APOLD1: variants seen among roughly 807,000 people sequenced by gnomAD.
The protein encoded by APOLD1 is apolipoprotein L domain-containing protein 1.
In APOLD1, 22 loss-of-function variants were observed where a neutral mutation model predicts 15.3. The observed-to-expected ratio is 1.44, with a 90% CI of 1.03 to 2.05. APOLD1 has a LOEUF of 2.05. Ranked by LOEUF, APOLD1 falls within the 30% of genes most tolerant of loss-of-function variation. APOLD1 has a pLI of 0.00. For synonymous variants in APOLD1, 190 were observed against 167.4 expected (o/e 1.13, Z -1.04); for missense variants, 394 against 353.5 (o/e 1.11, Z -0.92).
intron 1 of APOLD1, among the ~76,000 whole-genome samples, chr12:12,730,057 TGTGTGTGTGTGTGTGTGTGTGAGAGA>T (rs1184487700): frequency 2.1e-4 from 22 of 106,604 alleles, no homozygotes; most frequent in South Asian, 9.4e-4. Context: ...TGTGTGTGTG[TGTGTGTGTGTGTGTGTGTGTGAGAGA>T]GAGAGAGAGA....
At chr12:12,731,022 T>C (rs1341008508) in intron 1 of APOLD1, among the ~76,000 whole-genome samples, 7 of 152,038 alleles carry the variant, frequency 4.6e-5, no homozygotes, top group Non-Finnish European at 1.5e-5. Flanking sequence ...GCGCCTGTAG[T>C]CCCAGCTACT....
intron 1 of APOLD1, among the ~76,000 whole-genome samples, chr12:12,740,900 G>A (rs562280940): frequency 7.2e-5 from 11 of 152,182 alleles, no homozygotes; most frequent in Non-Finnish European, 1.0e-4. Flanking sequence ...ACTTTGGGAG[G>A]CTGAGGCAGG....
intron 1 of APOLD1, among the ~76,000 whole-genome samples, chr12:12,758,819 T>A (rs1203173679): frequency 2.0e-5 from 3 of 152,192 alleles, no homozygotes; most frequent in African/African-American, 4.8e-5. Flanking sequence ...CGGCATATGA[T>A]TTCTTTTCTT....
chr12:12,777,923 T>TTTTTTTTTTG (rs1555092183), intron 1 of APOLD1, among the ~76,000 whole-genome samples: 1 of 121,572 alleles, frequency 8.2e-6, no homozygotes, highest in Non-Finnish European at 1.7e-5. Context: ...TTTTTTTTTT[T>TTTTTTTTTTG]TTGTTGTTGT....
chr12:12,763,895 G>A lies in APOLD1; in HGVS notation c.97-23014G>A, dbSNP rs145342131. ...CCCAAATATTTTTGATATGAGATTG[G>A]TAGAATCATGGATGGAAAACCTGAG... On this transcript the variant is annotated intron_variant, in intron 1 of 1. Transcript: ENST00000326765. 2.8e-4 allele frequency among the ~76,000 whole-genome samples: 43 copies of A among 152,094 alleles called. No individual in the cohort carries two copies. The East Asian group carries it at 8.1e-3, about 29-fold the overall frequency.
At chr12:12,753,100 T>A (rs1946824793) in intron 1 of APOLD1, among the ~76,000 whole-genome samples, 1 of 152,068 alleles carries the variant, frequency 6.6e-6, no homozygotes, top group African/African-American at 2.4e-5. Flanking sequence ...GCTAAAAAAA[T>A]AGATGTGACA....
chr12:12,746,356 T>TGTG (rs1946765189), intron 1 of APOLD1, among the ~76,000 whole-genome samples: 1 of 151,866 alleles, frequency 6.6e-6, no homozygotes, highest in South Asian at 2.1e-4. Context: ...ATTAGCTGCG[T>TGTG]GTGGTGGCAG....
rs1444413441 is a variant in APOLD1 at position 12,787,073 on chromosome 12, C to A, written c.168C>A (p.Asn56Lys). The change falls in exon 2 of 2, where the codon AAC becomes AAA. Residue 56 changes from asparagine (N) to lysine (K), a missense_variant. Coordinates refer to ENST00000356591, the MANE Select transcript of APOLD1 (RefSeq NM_030817.3). The surrounding 1 kb of genome is among the most constrained non-coding windows in gnomAD (Gnocchi z 4.9). ...ERLRRRSLVA[N>K]VAGSSLSATG... ...TGCGCAGGCGCTCCCTCGTAGCCAACGTGGCCGGCAGCTCGCTGAGCGCAA... is the reference window on the plus strand; with the variant it reads ...TGCGCAGGCGCTCCCTCGTAGCCAAAGTGGCCGGCAGCTCGCTGAGCGCAA... The A allele has an allele frequency of 2.2e-6, 3 of 1,394,242 alleles. No homozygotes were observed. The highest frequency in any genetic ancestry group is 3.6e-5 in the Admixed American group (1 of 27,482). The allele number at this position is 1,394,242 out of a possible 1,614,324, so 86.4% of individuals were successfully genotyped here. A position where few individuals can be genotyped will look rare whatever the true frequency, so the allele number is the denominator to read the frequency against.
chr12:12,774,861 A>G (rs1947020006), intron 1 of APOLD1, among the ~76,000 whole-genome samples: 1 of 152,194 alleles, frequency 6.6e-6, no homozygotes, highest in South Asian at 2.1e-4. Context: ...GGAATTTGAA[A>G]TGGTATGATG....
At chr12:12,765,841 G>A (rs1209070290) in intron 1 of APOLD1, among the ~76,000 whole-genome samples, 1 of 152,222 alleles carries the variant, frequency 6.6e-6, no homozygotes, top group Non-Finnish European at 1.5e-5. Context: ...CTGTCGTCCA[G>A]TCTGAGCAAC....
intron 1 of APOLD1, among the ~76,000 whole-genome samples, chr12:12,757,599 C>T (rs1270774298): frequency 6.6e-6 from 1 of 152,134 alleles, no homozygotes; most frequent in Admixed American, 6.5e-5. Flanking sequence ...CCCGAAAGCC[C>T]CTCTATGTGT....
chr12:12,773,729 T>G (rs946912486), intron 1 of APOLD1, among the ~76,000 whole-genome samples: 3 of 152,212 alleles, frequency 2.0e-5, no homozygotes, highest in African/African-American at 7.2e-5. Context: ...AGTGTGGTAT[T>G]GGTGAAAGAC....
intron 1 of APOLD1, among the ~76,000 whole-genome samples, chr12:12,750,739 G>A (rs1021043607): frequency 2.6e-5 from 4 of 151,990 alleles, no homozygotes; most frequent in African/African-American, 9.7e-5. Context: ...ATAGAAAAAT[G>A]GAGTTAAGCC....
At chr12:12,758,848 A>C (rs979442937) in intron 1 of APOLD1, among the ~76,000 whole-genome samples, 8 of 152,082 alleles carry the variant, frequency 5.3e-5, no homozygotes, top group African/African-American at 1.9e-4. Flanking sequence ...GAGAACCTTC[A>C]CCTTTTCATT....
intron 1 of APOLD1, among the ~76,000 whole-genome samples, chr12:12,777,889 G>GTTTTTTTTTTTTTT (rs71436735): frequency 1.3e-4 from 15 of 117,138 alleles, no homozygotes; most frequent in South Asian, 2.9e-4. Flanking sequence ...AAGGAAAGGT[G>GTTTTTTTTTTTTTT]TTTTTTTTTT....
At position 12,787,085 on chromosome 12, in the gene APOLD1, CT is replaced by C; in HGVS notation, c.181del (p.Ser61ArgfsTer2). 1 of 1,398,438 alleles carries C rather than the reference CT, an allele frequency of 7.2e-7. No homozygotes were observed. Among genetic ancestry groups the C allele is most frequent in the Non-Finnish European group, 9.2e-7 (1 of 1,086,998 alleles). The allele number at this position is 1,398,438 out of a possible 1,614,324, so 86.6% of individuals were successfully genotyped here. A position where few individuals can be genotyped will look rare whatever the true frequency, so the allele number is the denominator to read the frequency against. ...RSLVANVAGS[S>X]LSATGALAAI... ...CCCTCGTAGCCAACGTGGCCGGCAG[CT>C]CGCTGAGCGCAACGGGCGCCCTCGC... On this transcript the variant is annotated frameshift_variant, in exon 2 of 2. Transcript: ENST00000356591. LOFTEE classifies it high-confidence loss of function. This position sits in a 1 kb window ranked among gnomAD's most constrained non-coding sequence, Gnocchi z 4.9.
chr12:12,781,659 C>T (rs1202249647), upstream of APOLD1, among the ~76,000 whole-genome samples: 1 of 151,122 alleles, frequency 6.6e-6, no homozygotes, highest in Non-Finnish European at 1.5e-5. Flanking sequence ...TCCCGAATAG[C>T]TGGGACTACA....
intron 1 of APOLD1, among the ~76,000 whole-genome samples, chr12:12,749,188 A>G (rs1388376969): frequency 1.3e-5 from 2 of 151,918 alleles, no homozygotes. Flanking sequence ...ACCTGCTAGG[A>G]ATTGGCTTAT....
chr12:12,744,852 C>T (rs1322125116), intron 1 of APOLD1, among the ~76,000 whole-genome samples: 1 of 152,136 alleles, frequency 6.6e-6, no homozygotes, highest in Non-Finnish European at 1.5e-5. Context: ...TGTAGAGTGT[C>T]TGTCTGCCCG....
Sources: gnomAD v4.1 joint callset for allele counts (sites outside exome capture counted in the v4.1 genomes callset) on GRCh38, gnomAD v4.1.1 for gene constraint, Gnocchi (gnomAD v3.1) non-coding constraint, MANE v1.5 for transcripts, NCBI Gene and HGNC (gene_info 2026-07-23, HGNC 2026-07-21) for gene names.